Variants in ADGRG1 observed in about 807,000 individuals in gnomAD.
ADGRG1 encodes the protein adhesion G protein-coupled receptor G1.
ADGRG1 carries 53 observed loss-of-function variants against 73.5 expected under a neutral mutation model. The observed-to-expected ratio is 0.72, with a 90% CI of 0.58 to 0.91. ADGRG1 has a LOEUF of 0.91. ADGRG1 is among the 40% of genes least tolerant of loss of function. ADGRG1 has a pLI of 0.00. For synonymous variants in ADGRG1, 394 were observed against 374.4 expected (o/e 1.05, Z -0.60); for missense variants, 795 against 871.8 (o/e 0.91, Z 1.11).
chr16:57,637,413 T>C, intron 1 of ADGRG1: 2 of 985,342 alleles, frequency 2.0e-6, no homozygotes, highest in Non-Finnish European at 2.4e-6. Flanking sequence ...GGGTTGCTGT[T>C]GTAAGTGAGT....
At chr16:57,652,733 C>T (rs971360616) in intron 3 of ADGRG1, 2 of 1,014,668 alleles carry the variant, frequency 2.0e-6, no homozygotes, top group Non-Finnish European at 1.2e-6. Context: ...TTGTCTTCCT[C>T]ATCTGAGTCC....
At chr16:57,644,447 C>T (rs200596487) in intron 1 of ADGRG1, among the ~76,000 whole-genome samples, 1 of 148,944 alleles carries the variant, frequency 6.7e-6, no homozygotes, top group East Asian at 2.0e-4. Flanking sequence ...CACATTCATG[C>T]ACATGCACAC....
rs1362906299 is a variant in ADGRG1 at position 57,665,398 on chromosome 16, A to T, written c.*1816A>T. On this transcript the variant is annotated 3_prime_UTR_variant, in exon 14 of 14. Transcript: ENST00000562631. ...GCCTTTTATGAGAAATGGGAAATCC[A>T]GACTGTGGTTTGACATCCCCTGATT... 1 of 152,228 alleles carries T rather than the reference A, an allele frequency of 6.6e-6. No individual in the cohort carries two copies. The highest frequency in any genetic ancestry group is 1.5e-5 in the Non-Finnish European group (1 of 68,048). The allele number at this position is 152,228 out of a possible 1,614,324, so 9.4% of individuals were successfully genotyped here.
rs762636441 is a variant in ADGRG1 at position 57,661,979 on chromosome 16, C to G, written c.1933+14C>G. On this transcript the variant is annotated intron_variant, in intron 13 of 13. Coordinates refer to ENST00000562631, the MANE Select transcript of ADGRG1 (RefSeq NM_201525.4). ...CCTCCTTCCAAGGTAAGGAGAAGAC[C>G]CGTCCCTTGGCCCAGGCAGGGTGTC... 6.2e-7 allele frequency: 1 copy of G among 1,604,070 alleles called. No individual in the cohort carries two copies. The highest frequency in any genetic ancestry group is 1.7e-5 in the Admixed American group (1 of 60,020).
At chr16:57,663,088 G>T (rs1250983216) in intron 13 of ADGRG1, 2 of 984,632 alleles carry the variant, frequency 2.0e-6, no homozygotes, top group African/African-American at 3.5e-5. Context: ...TAATTTGAGG[G>T]GTGCAAAATC....
At position 57,650,980 on chromosome 16, in the gene ADGRG1, T is replaced by G. The variant is rs994247766; in HGVS notation, c.65-220T>G. 12 of 843,282 alleles carry G rather than the reference T, an allele frequency of 1.4e-5. No homozygotes were observed. In the African/African-American group the frequency reaches 2.2e-4, roughly 15 times the overall value. The allele number at this position is 843,282 out of a possible 1,614,324, so 52.2% of individuals were successfully genotyped here. On this transcript the variant is annotated intron_variant, in intron 2 of 13. Transcript: ENST00000562631. ...GCCTCAGCCTCCCAAAGTGCTGGGA[T>G]TACAGGCGTGAGCCACCGCGCCCGG...
intron 1 of ADGRG1, among the ~76,000 whole-genome samples, chr16:57,649,658 C>T (rs1342794937): frequency 1.2e-4 from 19 of 152,152 alleles, no homozygotes; most frequent in African/African-American, 4.3e-4. Flanking sequence ...AATCCCGTCA[C>T]TCTGGGTTCA....
At chr16:57,650,930 G>A (rs1292127527) in intron 2 of ADGRG1, 6 of 264,094 alleles carry the variant, frequency 2.3e-5, no homozygotes, top group African/African-American at 1.2e-4. Context: ...GGATGGTCTC[G>A]ATCTCCTGAC....
At chr16:57,647,092 G>A (rs2042851517) in intron 1 of ADGRG1, 1 of 985,252 alleles carries the variant, frequency 1.0e-6, no homozygotes, top group Non-Finnish European at 1.2e-6. Flanking sequence ...TGGCAGGTGT[G>A]TGTGCGTGGG....
chr16:57,646,589 C>A, intron 1 of ADGRG1: 1 of 985,362 alleles, frequency 1.0e-6, no homozygotes, highest in Non-Finnish European at 1.2e-6. Context: ...AGGCTGGATT[C>A]TCTGCTACTC....
chr16:57,639,491 C>T, intron 1 of ADGRG1: 2 of 985,482 alleles, frequency 2.0e-6, no homozygotes, highest in African/African-American at 1.7e-5. Context: ...TTTGAAGCTC[C>T]AGTGAGGGAG....
intron 1 of ADGRG1, chr16:57,645,202 A>T: frequency 1.0e-6 from 1 of 985,442 alleles, no homozygotes; most frequent in Non-Finnish European, 1.2e-6. Context: ...GCAGCTGCGG[A>T]CGGGAGGGGA....
chr16:57,621,758 C>T, intron 2 of ADGRG1: 1 of 600,210 alleles, frequency 1.7e-6, no homozygotes, highest in Non-Finnish European at 2.1e-6. Flanking sequence ...GCAGCTGCCA[C>T]TCAGACCTCA....
At chr16:57,634,419 A>T in intron 1 of ADGRG1, 1 of 985,384 alleles carries the variant, frequency 1.0e-6, no homozygotes, top group Non-Finnish European at 1.2e-6. Context: ...CGGGCCAAAC[A>T]GTTCAGGGGC....
At chr16:57,656,409 G>C in intron 8 of ADGRG1, 105 bp from the exon 9 acceptor site, 1 of 1,609,020 alleles carries the variant, frequency 6.2e-7, no homozygotes, top group Non-Finnish European at 8.5e-7. Context: ...GGCAGGCTAT[G>C]AGTAGGCCGG....
intron 12 of ADGRG1, 107 bp from the exon 13 acceptor site, chr16:57,661,590 C>T: frequency 6.6e-7 from 1 of 1,525,002 alleles, no homozygotes; most frequent in Non-Finnish European, 8.8e-7. Context: ...AAAACAAGCG[C>T]ACTTGCTGTA....
intron 2 of ADGRG1, 118 bp from the exon 3 acceptor site, chr16:57,651,082 G>GGAAT (rs2043962560): frequency 6.3e-7 from 1 of 1,595,768 alleles, no homozygotes; most frequent in Non-Finnish European, 8.5e-7. Context: ...GTAGACCCTT[G>GGAAT]GAATGTGTGT....
At chr16:57,641,845 G>A (rs1047745903) in intron 1 of ADGRG1, 8 of 163,748 alleles carry the variant, frequency 4.9e-5, no homozygotes, top group African/African-American at 7.2e-5. Context: ...GATTACAGGC[G>A]TGAGTCGCCG....
At chr16:57,633,552 G>A (rs1402370462) in intron 1 of ADGRG1, 1 of 977,676 alleles carries the variant, frequency 1.0e-6, no homozygotes, top group African/African-American at 1.8e-5. Context: ...TTAGGGGTGT[G>A]GGCTCTGGGG....
Sources: gnomAD v4.1 joint callset for allele counts (sites outside exome capture counted in the v4.1 genomes callset) on GRCh38, gnomAD v4.1.1 for gene constraint, MANE v1.5 for transcripts, NCBI Gene and HGNC (gene_info 2026-07-23, HGNC 2026-07-21) for gene names.